VMP1: variants seen among roughly 807,000 people sequenced by gnomAD.
The protein encoded by VMP1 is ectopic P-granules autophagy protein 3 homolog.
A neutral mutation model predicts 56.0 loss-of-function variants in VMP1; 11 were observed. The ratio of observed to expected loss-of-function variants is 0.20; its 90% CI spans 0.12 to 0.32. The LOEUF (loss-of-function observed/expected upper bound fraction) is 0.32, where lower values mean the gene tolerates loss of function less well. VMP1 is among the 10% of genes least tolerant of loss of function. The probability of loss-of-function intolerance (pLI) is 1.00; values close to 1 mark genes in which losing one functional copy is unlikely to be tolerated. For missense variants in VMP1, 296 were observed against 490.3 expected, an observed-to-expected ratio of 0.60 and a Z score of 3.74; for synonymous variants, 149 against 165.0, an observed-to-expected ratio of 0.90 and a Z score of 0.74.
chr17:59,787,085 G>A (rs1229157631), intron 7 of VMP1, among the ~76,000 whole-genome samples: 2 of 152,148 alleles, frequency 1.3e-5, no homozygotes, highest in Non-Finnish European at 2.9e-5. Context: ...AAGTGGTCTT[G>A]ATGGATTCTG....
intron 7 of VMP1, among the ~76,000 whole-genome samples, chr17:59,783,662 CATCTGACT>C (rs2036903362): frequency 6.6e-6 from 1 of 152,178 alleles, no homozygotes; most frequent in Non-Finnish European, 1.5e-5. Context: ...AAATCTGAGT[CATCTGACT>C]CCCTCCTTTC....
At position 59,812,505 on chromosome 17, in the gene VMP1, A is replaced by G. The variant is rs2144232730; in HGVS notation, c.912+719A>G. On this transcript the variant is annotated intron_variant, in intron 9 of 11. Transcript: ENST00000262291. Reference sequence around the variant, plus strand: ...CAATTTAAACGAAGGGAAAATGGATATGTGCTTCTAGAACTGTGATATGAA... The same window carrying G: ...CAATTTAAACGAAGGGAAAATGGATGTGTGCTTCTAGAACTGTGATATGAA... 1.3e-5 allele frequency among the ~76,000 whole-genome samples: 2 copies of G among 152,360 alleles called. 1 individual carries two copies. The highest frequency in any genetic ancestry group is 4.1e-4 in the South Asian group (2 of 4,830).
chr17:59,746,888 C>A (rs2035442237), intron 5 of VMP1, among the ~76,000 whole-genome samples: 1 of 152,184 alleles, frequency 6.6e-6, no homozygotes, highest in Non-Finnish European at 1.5e-5. Context: ...AAGCACTGTA[C>A]TTGTTATGTA....
At chr17:59,736,611 G>C (rs904703311) in intron 3 of VMP1, among the ~76,000 whole-genome samples, 1 of 151,858 alleles carries the variant, frequency 6.6e-6, no homozygotes, top group Non-Finnish European at 1.5e-5. Flanking sequence ...GGGCATGGTG[G>C]CGTGCGCCTG....
chr17:59,798,572 A>G (rs1232785067), intron 7 of VMP1, among the ~76,000 whole-genome samples: 2 of 152,318 alleles, frequency 1.3e-5, no homozygotes, highest in South Asian at 4.1e-4. Flanking sequence ...AGGTCTCACC[A>G]TTTTATTCTG....
chr17:59,769,362 GAT>G (rs2036348175), intron 6 of VMP1, among the ~76,000 whole-genome samples: 1 of 151,594 alleles, frequency 6.6e-6, no homozygotes, highest in South Asian at 2.1e-4. Context: ...TGGTGAAAAA[GAT>G]AGATTTTTTT....
At chr17:59,822,279 A>G (rs908395419) in intron 10 of VMP1, among the ~76,000 whole-genome samples, 5 of 150,496 alleles carry the variant, frequency 3.3e-5, no homozygotes, top group Admixed American at 6.6e-5. Flanking sequence ...AGATTCTCCA[A>G]TTGAGCATGA....
intron 5 of VMP1, 139 bp downstream of exon 5, chr17:59,739,086 C>G: frequency 1.6e-6 from 1 of 611,436 alleles, no homozygotes; most frequent in Non-Finnish European, 2.6e-6. Flanking sequence ...CCAATCAGTG[C>G]TTTAAGTTTG....
At chr17:59,736,025 T>C (rs2035002478) in intron 3 of VMP1, among the ~76,000 whole-genome samples, 3 of 152,226 alleles carry the variant, frequency 2.0e-5, no homozygotes, top group Admixed American at 1.3e-4. Context: ...AACATTTTTA[T>C]TGTACTAAGA....
chr17:59,823,310 G>A (rs1158190928), intron 10 of VMP1, among the ~76,000 whole-genome samples: 4 of 151,960 alleles, frequency 2.6e-5, no homozygotes, highest in African/African-American at 9.7e-5. Flanking sequence ...AATTAGCTGG[G>A]CATGGTGCCG....
intron 7 of VMP1, among the ~76,000 whole-genome samples, chr17:59,789,160 C>T (rs1259381955): frequency 1.3e-5 from 2 of 149,896 alleles, no homozygotes; most frequent in Admixed American, 6.7e-5. Context: ...CGTGGTGGCA[C>T]GCACCTGTAG....
chr17:59,761,138 T>C (rs1374200233), intron 5 of VMP1, among the ~76,000 whole-genome samples: 2 of 152,020 alleles, frequency 1.3e-5, no homozygotes, highest in African/African-American at 4.8e-5. Flanking sequence ...CCTGACCTCA[T>C]GATCCACCCA....
chr17:59,801,335 TC>T (rs1416862114), intron 7 of VMP1, among the ~76,000 whole-genome samples: 1 of 151,542 alleles, frequency 6.6e-6, no homozygotes, highest in Non-Finnish European at 1.5e-5. Context: ...AGCCTCAACT[TC>T]CTGGGCTCTG....
At chr17:59,808,651 G>A in intron 7 of VMP1, 145 bp from the exon 8 acceptor site, 2 of 619,590 alleles carry the variant, frequency 3.2e-6, no homozygotes, top group Non-Finnish European at 2.8e-6. Flanking sequence ...TTGTGTTTCA[G>A]TGAACAACCT....
chr17:59,828,448 A>C (rs942799633), intron 10 of VMP1, among the ~76,000 whole-genome samples: 12 of 152,248 alleles, frequency 7.9e-5, no homozygotes, highest in African/African-American at 2.4e-4. Context: ...ACAGCCAGAA[A>C]GAAACCCATG....
At chr17:59,711,872 C>T (rs1014125479) in intron 1 of VMP1, among the ~76,000 whole-genome samples, 3 of 152,114 alleles carry the variant, frequency 2.0e-5, no homozygotes, top group African/African-American at 7.2e-5. Flanking sequence ...AGTATTTTCT[C>T]TTGTCCTTGA....
At chr17:59,830,852 C>T (rs903797410) in intron 10 of VMP1, among the ~76,000 whole-genome samples, 6 of 152,190 alleles carry the variant, frequency 3.9e-5, no homozygotes, top group African/African-American at 1.4e-4. Flanking sequence ...GAAACAGGTT[C>T]TCCCTCTGTA....
chr17:59,788,541 C>T (rs1172415892), intron 7 of VMP1, among the ~76,000 whole-genome samples: 2 of 147,534 alleles, frequency 1.4e-5, no homozygotes, highest in East Asian at 2.0e-4. Context: ...TGGTGGCTCA[C>T]GCCTGTAATC....
intron 5 of VMP1, among the ~76,000 whole-genome samples, chr17:59,744,771 A>G (rs113879993): frequency 0.06 from 9,100 of 151,896 alleles, 401 homozygotes; most frequent in Non-Finnish European, 0.094. Flanking sequence ...GATCTAGTAT[A>G]TGCCATTTCC....
Sources: allele counts gnomAD v4.1 joint callset (sites outside exome capture counted in the v4.1 genomes callset), GRCh38; gene constraint gnomAD v4.1.1; transcripts MANE v1.5; gene names NCBI Gene and HGNC (gene_info 2026-07-23, HGNC 2026-07-21).